The following YKT6 variants were observed in gnomAD, a reference collection of about 807,000 sequenced individuals.
The protein encoded by YKT6 is synaptobrevin homolog YKT6.
YKT6 carries 12 observed loss-of-function variants against 29.3 expected under a neutral mutation model. The observed-to-expected ratio is 0.41, with a 90% CI of 0.26 to 0.66. The LOEUF (loss-of-function observed/expected upper bound fraction) is 0.66. Ranked by LOEUF, YKT6 falls within the 30% of genes least tolerant of loss-of-function variation. The pLI, the probability that YKT6 is intolerant of heterozygous loss-of-function variation, is 0.32. For missense variants in YKT6, 188 were observed against 243.8 expected (o/e 0.77, Z 1.52); for synonymous variants, 86 against 94.3 (o/e 0.91, Z 0.51).
chr7:44,205,178 TAG>T (rs1441651767), intron 2 of YKT6, among the ~76,000 whole-genome samples: 1 of 152,188 alleles, frequency 6.6e-6, no homozygotes, highest in Non-Finnish European at 1.5e-5. Context: ...TCACGTGACA[TAG>T]AGTTACTGAA....
intron 3 of YKT6, 76 bp downstream of exon 3, chr7:44,206,561 C>G: frequency 7.8e-7 from 1 of 1,289,136 alleles, no homozygotes; most frequent in Non-Finnish European, 1.1e-6. Context: ...GGGTTGATGG[C>G]AGTCCCTGAG....
intron 6 of YKT6, 152 bp from the exon 7 acceptor site, chr7:44,212,095 C>G: frequency 3.6e-6 from 3 of 828,096 alleles, no homozygotes; most frequent in Non-Finnish European, 5.8e-6. Context: ...TTGTGGACAG[C>G]TTCCCTCAAG....
intron 6 of YKT6, 135 bp from the exon 7 acceptor site, chr7:44,212,112 A>T: frequency 2.0e-6 from 2 of 1,020,496 alleles, no homozygotes; most frequent in Non-Finnish European, 1.5e-6. Context: ...CAAGGCCTCC[A>T]CCCCCACCCT....
intron 5 of YKT6, among the ~76,000 whole-genome samples, chr7:44,210,288 G>C (rs1362719438): frequency 6.6e-6 from 1 of 152,174 alleles, no homozygotes; most frequent in African/African-American, 2.4e-5. Flanking sequence ...GGCCTGGCTG[G>C]TGTCTTTTGG....
Position 44,208,194 on chromosome 7 carries a change from T to G in YKT6, c.455T>G (p.Ile152Ser). The G allele has an allele frequency of 6.2e-7, 1 of 1,613,962 alleles. No individual in the cohort carries two copies. Among genetic ancestry groups the G allele is most frequent in the Non-Finnish European group, 8.5e-7 (1 of 1,179,952 alleles). ...GCCGAACTAGATGAGACCAAAATCA[T>G]TCTGGTAAGCAGGAAGATGGAGAGC... The part of the protein sequence containing the change: ...VQAELDETKI[I>S]LHNTMESLLE... The change falls in exon 5 of 7, where the codon ATT (isoleucine) becomes AGT (serine). Residue 152 changes from isoleucine to serine, a missense_variant. Ile to Ser is a moderately radical substitution (Grantham distance 142). Around this residue, in one of 3 missense-constraint regions of YKT6, gnomAD observed 100 missense variants for 136.3 expected, o/e 0.73. Coordinates refer to ENST00000223369, the MANE Select transcript of YKT6 (RefSeq NM_006555.4).
intron 6 of YKT6, 148 bp from the exon 7 acceptor site, chr7:44,212,099 C>T: frequency 1.2e-6 from 1 of 867,388 alleles, no homozygotes; most frequent in South Asian, 1.7e-5. Context: ...GGACAGCTTC[C>T]CTCAAGGCCT....
chr7:44,207,910 G>C (rs1471511985), intron 4 of YKT6, among the ~76,000 whole-genome samples: 1 of 152,068 alleles, frequency 6.6e-6, no homozygotes, highest in Non-Finnish European at 1.5e-5. Flanking sequence ...ATTTTTAGTA[G>C]AGACGGTTTC....
At chr7:44,210,537 A>G (rs1381468232) in intron 5 of YKT6, among the ~76,000 whole-genome samples, 1 of 152,228 alleles carries the variant, frequency 6.6e-6, no homozygotes, top group Non-Finnish European at 1.5e-5. Flanking sequence ...AAATATGGTC[A>G]CATTCAGAGA....
chr7:44,213,600 A>T lies in YKT6; in HGVS notation c.*1318A>T, dbSNP rs1583652574. On this transcript the variant is annotated 3_prime_UTR_variant, in exon 7 of 7. Coordinates refer to ENST00000223369, the MANE Select transcript of YKT6 (RefSeq NM_006555.4). ...AGCCCTGGGATCCAGCACCCATGGA[A>T]GCTTCTGCTGGGATGGTGTCACCTA... 6.6e-6 allele frequency: 1 copy of T among 152,452 alleles called. No homozygotes were observed. The highest frequency in any genetic ancestry group is 1.5e-5 in the Non-Finnish European group (1 of 68,164). 9.4% of individuals were successfully genotyped at this position (152,452 alleles called of 1,614,324 possible). A position where few individuals can be genotyped will look rare whatever the true frequency, so the allele number is the denominator to read the frequency against.
chr7:44,209,515 T>C (rs765886370), intron 5 of YKT6, among the ~76,000 whole-genome samples: 7 of 152,152 alleles, frequency 4.6e-5, no homozygotes, highest in Non-Finnish European at 7.4e-5. Flanking sequence ...CTGTTTCTCC[T>C]CTCCCCACGG....
In YKT6 at chr7:44,202,443, C is replaced by T. The variant is rs77618386; in HGVS notation, c.104+1204C>T. On this transcript the variant is annotated intron_variant, in intron 1 of 6. Transcript: ENST00000223369. ...TGTCTATTAAACACATTCCCTTCTC[C>T]CCCAGCCCATGGCAACTGCCATTCT... Among the ~76,000 whole-genome samples the T allele has an allele frequency of 3.0e-3, 455 of 152,282 alleles. 2 individuals carry two copies. The highest frequency in any genetic ancestry group is 0.01 in the African/African-American group (423 of 41,558).
At chr7:44,202,717 GC>G (rs1416354948) in intron 1 of YKT6, among the ~76,000 whole-genome samples, 1 of 152,196 alleles carries the variant, frequency 6.6e-6, no homozygotes, top group East Asian at 1.9e-4. Context: ...GAATGATACT[GC>G]TATGAACATG....
At chr7:44,207,080 C>T (rs553199758) in intron 3 of YKT6, among the ~76,000 whole-genome samples, 15 of 152,234 alleles carry the variant, frequency 9.9e-5, no homozygotes, top group South Asian at 2.1e-4. Context: ...GGACCAGTGC[C>T]CCTTTTTTCT....
At chr7:44,203,086 GATTT>G (rs1458840842) in intron 1 of YKT6, among the ~76,000 whole-genome samples, 1 of 152,106 alleles carries the variant, frequency 6.6e-6, no homozygotes, top group Non-Finnish European at 1.5e-5. Flanking sequence ...TGTCCCAGCT[GATTT>G]ATTTATTTAT....
At chr7:44,206,314 A>AT in intron 2 of YKT6, 71 bp from the exon 3 acceptor site, 1 of 1,501,662 alleles carries the variant, frequency 6.7e-7, no homozygotes, top group Non-Finnish European at 9.2e-7. Flanking sequence ...GGATGCTTTG[A>AT]TTTGGGGGGA....
intron 5 of YKT6, among the ~76,000 whole-genome samples, chr7:44,209,773 C>T (rs1028679075): frequency 6.6e-6 from 1 of 152,308 alleles, no homozygotes. Context: ...GCCCTGGCAG[C>T]AGAGCTGCTG....
intron 6 of YKT6, among the ~76,000 whole-genome samples, chr7:44,211,824 C>G (rs888193020): frequency 1.3e-5 from 2 of 152,262 alleles, no homozygotes; most frequent in East Asian, 3.8e-4. Flanking sequence ...GGAACCACAT[C>G]TGTTGTCCTC....
chr7:44,202,957 C>T (rs2096337377), intron 1 of YKT6, among the ~76,000 whole-genome samples: 1 of 152,090 alleles, frequency 6.6e-6, no homozygotes, highest in Admixed American at 6.6e-5. Context: ...TTAAGATTCT[C>T]AGAGATTTCA....
At chr7:44,203,740 C>T (rs932274561) in intron 1 of YKT6, among the ~76,000 whole-genome samples, 2 of 152,158 alleles carry the variant, frequency 1.3e-5, no homozygotes, top group Non-Finnish European at 2.9e-5. Context: ...AATGTGGAGG[C>T]ACAGCACACA....
Sources: gnomAD v4.1 joint callset for allele counts (sites outside exome capture counted in the v4.1 genomes callset) on GRCh38, gnomAD v4.1.1 for gene constraint, gnomAD v4.1.1 regional missense constraint, MANE v1.5 for transcripts, NCBI Gene and HGNC (gene_info 2026-07-23, HGNC 2026-07-21) for gene names.